The following GRAMD1B variants were observed in gnomAD, a reference collection of about 807,000 sequenced individuals.
GRAMD1B encodes protein Aster-B.
Under a neutral mutation model 99.7 loss-of-function variants are expected in GRAMD1B, and 37 were observed. The ratio of observed to expected loss-of-function variants is 0.37; its 90% CI spans 0.29 to 0.49. The LOEUF (loss-of-function observed/expected upper bound fraction) is 0.49. Ranked by LOEUF, GRAMD1B falls within the 20% of genes least tolerant of loss-of-function variation. GRAMD1B has a pLI of 0.98. For synonymous variants in GRAMD1B, 427 were observed against 387.6 expected, an observed-to-expected ratio of 1.10 and a Z score of -1.19; for missense variants, 888 against 1,009.2, an observed-to-expected ratio of 0.88 and a Z score of 1.63.
Position 123,584,317 on chromosome 11 carries a change from C to T in GRAMD1B, c.669C>T (p.Ser223=), listed in dbSNP as rs377168373. 1 of 966,224 alleles carries T rather than the reference C, an allele frequency of 1.0e-6. No individual in the cohort carries two copies. The highest frequency in any genetic ancestry group is 1.9e-5 in the South Asian group (1 of 53,456). 59.9% of individuals were successfully genotyped at this position (966,224 alleles called of 1,614,324 possible). A position where few individuals can be genotyped will look rare whatever the true frequency, so the allele number is the denominator to read the frequency against. Residue 223 remains serine, a synonymous_variant, in exon 4 of 20, where the codon AGC becomes AGT. Coordinates refer to ENST00000635736, the MANE Select transcript of GRAMD1B (RefSeq NM_001387025.1). ...CTTTCATTTTCTCTTTTCAGAAAAGCCAGAGTTGGTATAATGTAAGTATTC... is the reference window on the plus strand; with the variant it reads ...CTTTCATTTTCTCTTTTCAGAAAAGTCAGAGTTGGTATAATGTAAGTATTC... ...GRSGGKNSKK[S]QSWYNVLSPT...
intron 2 of GRAMD1B, among the ~76,000 whole-genome samples, chr11:123,571,354 G>A: frequency 6.6e-6 from 1 of 152,198 alleles, no homozygotes; most frequent in East Asian, 1.9e-4. Flanking sequence ...GGCGTGGGGG[G>A]TGAGGGTGGG....
chr11:123,384,631 C>T (rs1407084910), intron 1 of GRAMD1B, among the ~76,000 whole-genome samples: 4 of 152,158 alleles, frequency 2.6e-5, no homozygotes, highest in African/African-American at 9.7e-5. Context: ...CACTACTGAA[C>T]CCAGTGTCCC....
At chr11:123,556,884 T>C (rs906075312) in intron 2 of GRAMD1B, among the ~76,000 whole-genome samples, 1 of 152,204 alleles carries the variant, frequency 6.6e-6, no homozygotes, top group African/African-American at 2.4e-5. Flanking sequence ...GGGCAGAAAG[T>C]ATGAGTGCCT....
chr11:123,511,551 C>T (rs959945778), intron 2 of GRAMD1B, among the ~76,000 whole-genome samples: 1 of 152,072 alleles, frequency 6.6e-6, no homozygotes, highest in Non-Finnish European at 1.5e-5. Flanking sequence ...TCTAAGGAGG[C>T]TGAGTCTGTG....
chr11:123,501,677 C>G (rs1242113833), intron 2 of GRAMD1B, among the ~76,000 whole-genome samples: 2 of 152,136 alleles, frequency 1.3e-5, no homozygotes, highest in Non-Finnish European at 2.9e-5. Context: ...CAAAACCAGA[C>G]AGAACAAGAA....
intron 1 of GRAMD1B, among the ~76,000 whole-genome samples, chr11:123,374,785 T>C (rs1438163111): frequency 5.9e-5 from 9 of 152,234 alleles, no homozygotes; most frequent in African/African-American, 1.9e-4. Context: ...AGGAATGAGC[T>C]ATATTAAAAC....
At chr11:123,499,504 G>A (rs1939640577) in intron 2 of GRAMD1B, among the ~76,000 whole-genome samples, 1 of 152,188 alleles carries the variant, frequency 6.6e-6, no homozygotes, top group African/African-American at 2.4e-5. Flanking sequence ...GAGAAAGGTG[G>A]GTGGAGGGGT....
At chr11:123,622,146 G>A (rs1215860254) in intron 19 of GRAMD1B, among the ~76,000 whole-genome samples, 2 of 151,860 alleles carry the variant, frequency 1.3e-5, no homozygotes, top group Non-Finnish European at 2.9e-5. Flanking sequence ...CCAGCCTCCT[G>A]AGTAGTTAGG....
At chr11:123,594,296 A>G (rs1950999123) in intron 5 of GRAMD1B, 130 bp downstream of exon 5, 2 of 697,748 alleles carry the variant, frequency 2.9e-6, no homozygotes, top group Non-Finnish European at 5.2e-6. Flanking sequence ...GAGGCTGTCC[A>G]GACCCCTGGC....
chr11:123,621,896 C>G (rs1226459880), intron 19 of GRAMD1B, among the ~76,000 whole-genome samples: 1 of 53,316 alleles, frequency 1.9e-5, no homozygotes, highest in Non-Finnish European at 4.2e-5. Context: ...TTCTTTCTTT[C>G]TTTTTCTCTT....
At chr11:123,437,987 CCTT>C (rs550510404) in intron 1 of GRAMD1B, among the ~76,000 whole-genome samples, 388 of 152,248 alleles carry the variant, frequency 2.5e-3, no homozygotes, top group African/African-American at 8.1e-3. Context: ...AAACTCATGT[CCTT>C]CTTAACACAA....
intron 1 of GRAMD1B, among the ~76,000 whole-genome samples, chr11:123,447,441 A>C (rs1329332079): frequency 2.6e-5 from 4 of 152,154 alleles, no homozygotes; most frequent in Non-Finnish European, 2.9e-5. Flanking sequence ...TCCAGGAAGG[A>C]GCCGTATCTT....
At chr11:123,409,836 G>A (rs1947978684) in intron 1 of GRAMD1B, among the ~76,000 whole-genome samples, 1 of 152,192 alleles carries the variant, frequency 6.6e-6, no homozygotes, top group African/African-American at 2.4e-5. Flanking sequence ...CTCAAAGCAA[G>A]AGGCTTTAGA....
chr11:123,408,648 A>C (rs372894618), intron 1 of GRAMD1B, among the ~76,000 whole-genome samples: 1 of 152,352 alleles, frequency 6.6e-6, no homozygotes, highest in South Asian at 2.1e-4. Context: ...TGTCCATAGG[A>C]AAGACTGAAG....
rs191981781 is a variant in GRAMD1B, at chr11:123,606,675, A to G, written c.1390A>G (p.Ile464Val). 1.0e-3 allele frequency: 1,667 copies of G among 1,613,494 alleles called. 20 individuals are homozygous for G. The Middle Eastern group carries it at 0.012, about 12-fold the overall frequency. ...CGGGTCCCTGGAAAAGGAGCTCGCCATTGACAACATCATGGGGGAGAAGAT... is the reference window on the plus strand; with the variant it reads ...CGGGTCCCTGGAAAAGGAGCTCGCCGTTGACAACATCATGGGGGAGAAGAT... The part of the protein sequence containing the change: ...GDGSLEKELA[I>V]DNIMGEKIEM... The change falls in exon 11 of 20, where the codon ATT becomes GTT. Residue 464 changes from isoleucine (I) to valine (V), a missense_variant. Ile to Val is a conservative substitution (Grantham distance 29). Transcript: ENST00000635736.
At chr11:123,573,027 G>A (rs947839439) in intron 2 of GRAMD1B, among the ~76,000 whole-genome samples, 18 of 150,200 alleles carry the variant, frequency 1.2e-4, no homozygotes, top group Middle Eastern at 3.5e-3. Context: ...GCCCAGGTAG[G>A]CCCCGATGGC....
rs752445516 is a variant in GRAMD1B at position 123,612,875 on chromosome 11, C to T, written c.2023+11C>T. On this transcript the variant is annotated intron_variant, in intron 15 of 19. Transcript: ENST00000635736. ...ACTTCCGCCATTTAGGTGAGCACTG[C>T]AATCCTTGCTGCTAGCTGGGCTGCA... is the stretch of plus-strand genomic sequence containing the variant. 4 of 1,474,542 alleles carry T rather than the reference C, an allele frequency of 2.7e-6. No homozygotes were observed. In the South Asian group the frequency reaches 4.6e-5, roughly 17 times the overall value. 91.3% of individuals were successfully genotyped at this position (1,474,542 alleles called of 1,614,324 possible). A position where few individuals can be genotyped will look rare whatever the true frequency, so the allele number is the denominator to read the frequency against.
At chr11:123,385,692 C>A (rs755294027) in intron 1 of GRAMD1B, among the ~76,000 whole-genome samples, 3 of 152,118 alleles carry the variant, frequency 2.0e-5, no homozygotes, top group South Asian at 4.1e-4. Flanking sequence ...CTCTTCTCCC[C>A]CTTAGTATTG....
At chr11:123,562,388 G>T (rs540458174) in intron 2 of GRAMD1B, among the ~76,000 whole-genome samples, 2 of 152,244 alleles carry the variant, frequency 1.3e-5, no homozygotes, top group African/African-American at 4.8e-5. Flanking sequence ...GACTGTTTTG[G>T]TACAGGGCCA....
Sources: allele counts gnomAD v4.1 joint callset (sites outside exome capture counted in the v4.1 genomes callset), GRCh38; gene constraint gnomAD v4.1.1; transcripts MANE v1.5; gene names NCBI Gene and HGNC (gene_info 2026-07-23, HGNC 2026-07-21).